EPSTI1: variants seen among roughly 807,000 people sequenced by gnomAD.
EPSTI1 encodes epithelial-stromal interaction protein 1.
In EPSTI1, 66 loss-of-function variants were observed where a neutral mutation model predicts 49.9. The observed-to-expected ratio is 1.32, with a 90% CI of 1.08 to 1.62. EPSTI1 has a LOEUF of 1.62. Among genes scored for constraint, EPSTI1 ranks in the 40% most tolerant of loss-of-function variants. The pLI is 0.00. For missense variants in EPSTI1, 394 were observed against 365.5 expected (o/e 1.08, Z -0.64); for synonymous variants, 137 against 130.7 (o/e 1.05, Z -0.33).
chr13:42,954,755 C>G (rs1183313472), intron 5 of EPSTI1, among the ~76,000 whole-genome samples: 1 of 152,090 alleles, frequency 6.6e-6, no homozygotes, highest in Non-Finnish European at 1.5e-5. Context: ...AGTAAAATTC[C>G]TAGACAACAA....
At chr13:42,991,553 G>A (rs1474596880) in intron 1 of EPSTI1, among the ~76,000 whole-genome samples, 1 of 152,210 alleles carries the variant, frequency 6.6e-6, no homozygotes, top group African/African-American at 2.4e-5. Context: ...CCAAAGTGCT[G>A]GGATAACAGG....
intron 8 of EPSTI1, 91 bp from the exon 9 acceptor site, chr13:42,900,474 G>A (rs2037324477): frequency 8.2e-7 from 1 of 1,216,596 alleles, no homozygotes; most frequent in Non-Finnish European, 1.2e-6. Context: ...AACCTCAACT[G>A]GTACAATATT....
At chr13:42,964,003 T>G in intron 4 of EPSTI1, 63 bp downstream of exon 4, 1 of 1,378,816 alleles carries the variant, frequency 7.3e-7, no homozygotes, top group South Asian at 1.3e-5. Context: ...ATTTCACAGT[T>G]ACTTGTAAGA....
At chr13:42,890,086 G>C (rs2036984629) in intron 10 of EPSTI1, among the ~76,000 whole-genome samples, 1 of 152,116 alleles carries the variant, frequency 6.6e-6, no homozygotes, top group Non-Finnish European at 1.5e-5. Context: ...TGGGCCAACT[G>C]CATACCGCAT....
intron 9 of EPSTI1, among the ~76,000 whole-genome samples, chr13:42,896,648 A>C (rs1284011941): frequency 6.6e-6 from 1 of 152,134 alleles, no homozygotes; most frequent in Non-Finnish European, 1.5e-5. Context: ...CCCATACAAC[A>C]ACCTTACTAG....
At chr13:42,931,592 C>T (rs2038376404) in intron 6 of EPSTI1, among the ~76,000 whole-genome samples, 1 of 152,206 alleles carries the variant, frequency 6.6e-6, no homozygotes, top group South Asian at 2.1e-4. Context: ...ATATAAACTT[C>T]TTGTTCTTTA....
intron 3 of EPSTI1, among the ~76,000 whole-genome samples, chr13:42,967,707 T>TG (rs996226090): frequency 4.6e-5 from 7 of 151,746 alleles, no homozygotes; most frequent in Non-Finnish European, 8.8e-5. Context: ...TAGCAGAGAG[T>TG]GGGGGATGCT....
rs779723806 is a variant in EPSTI1, at chr13:42,926,301, G to T, written c.657+35C>A. 85 of 1,207,360 alleles carry T rather than the reference G, an allele frequency of 7.0e-5. No homozygotes were observed. In the Middle Eastern group the frequency reaches 9.5e-4, roughly 13 times the overall value. The allele number at this position is 1,207,360 out of a possible 1,614,324, so 74.8% of individuals were successfully genotyped here. A position where few individuals can be genotyped will look rare whatever the true frequency, so the allele number is the denominator to read the frequency against. ...CAGTCACTAAATACCTCTATAAAAT[G>T]TGCCAGGCAGCACCCTGCAAAGTAA... On this transcript the variant is annotated intron_variant, in intron 7 of 10. Transcript: ENST00000313624.
chr13:42,938,323 C>T (rs986001419), intron 6 of EPSTI1, among the ~76,000 whole-genome samples: 4 of 152,166 alleles, frequency 2.6e-5, no homozygotes, highest in African/African-American at 9.6e-5. Context: ...TTCTTCTAAG[C>T]AGGTCTTATT....
At position 42,933,254 on chromosome 13, in the gene EPSTI1, A is replaced by G. The variant is rs1439198455; in HGVS notation, c.564-6825T>C. On this transcript the variant is annotated intron_variant, in intron 6 of 10. Coordinates refer to ENST00000313624, the MANE Select transcript of EPSTI1 (RefSeq NM_033255.5). ...CTAGATGAAGATTTTATTGGAAACT[A>G]TTTTTCTACTATTTTTGTATCTTCT... Among the ~76,000 whole-genome samples the G allele has an allele frequency of 2.1e-5, 3 of 145,058 alleles. No individual in the cohort carries two copies. In the Admixed American group the frequency reaches 2.2e-4, roughly 11 times the overall value.
At chr13:42,960,650 G>A (rs906589875) in intron 5 of EPSTI1, among the ~76,000 whole-genome samples, 23 of 152,272 alleles carry the variant, frequency 1.5e-4, no homozygotes, top group Middle Eastern at 3.4e-3. Context: ...TACAAAACGG[G>A]TATCAATGGG....
chr13:42,970,816 G>T, intron 1 of EPSTI1, 146 bp from the exon 2 acceptor site: 1 of 633,972 alleles, frequency 1.6e-6, no homozygotes, highest in Non-Finnish European at 2.7e-6. Flanking sequence ...TTAAGACCCT[G>T]ATCTGTTCTC....
chr13:42,963,963 G>A, intron 4 of EPSTI1, 103 bp downstream of exon 4: 1 of 1,045,068 alleles, frequency 9.6e-7, no homozygotes, highest in South Asian at 1.7e-5. Flanking sequence ...TGGTTGGAAG[G>A]TTTTATACTT....
In EPSTI1 at chr13:42,933,331, AAG is replaced by A. The variant is rs2097497806; in HGVS notation, c.564-6904_564-6903del. Among the ~76,000 whole-genome samples, 5 of 151,150 alleles carry A rather than the reference AAG, an allele frequency of 3.3e-5. No individual in the cohort carries two copies. The South Asian group carries it at 6.2e-4, about 19-fold the overall frequency. On this transcript the variant is annotated intron_variant, in intron 6 of 10. Coordinates refer to ENST00000313624, the MANE Select transcript of EPSTI1 (RefSeq NM_033255.5). ...AAAAAGTAAAAAAAAAAAAAAAAAAAAGAGTCTGCCTCATTTTCCCACATTGT... is the reference window on the plus strand; with the variant it reads ...AAAAAGTAAAAAAAAAAAAAAAAAAAAGTCTGCCTCATTTTCCCACATTGT...
intron 1 of EPSTI1, 95 bp downstream of exon 1, chr13:42,991,883 C>T (rs1311453687): frequency 3.7e-6 from 5 of 1,360,700 alleles, no homozygotes; most frequent in Non-Finnish European, 5.2e-6. Context: ...TTGTTGGGCC[C>T]CTGTGGTTTT....
chr13:42,890,364 C>G (rs1227939651), intron 10 of EPSTI1, among the ~76,000 whole-genome samples: 2 of 147,792 alleles, frequency 1.4e-5, no homozygotes, highest in African/African-American at 2.5e-5. Context: ...GTGGCGCAAT[C>G]CCTGCTCACC....
At chr13:42,991,886 G>C in intron 1 of EPSTI1, 92 bp downstream of exon 1, 1 of 1,407,192 alleles carries the variant, frequency 7.1e-7, no homozygotes, top group Non-Finnish European at 1.0e-6. Context: ...TTGGGCCCCT[G>C]TGGTTTTAAA....
chr13:42,955,297 A>G (rs1324612267), intron 5 of EPSTI1, among the ~76,000 whole-genome samples: 1 of 152,158 alleles, frequency 6.6e-6, no homozygotes, highest in Admixed American at 6.5e-5. Flanking sequence ...GGTGGATCTA[A>G]AAGGGTGAAA....
chr13:42,958,105 T>C lies in EPSTI1; in HGVS notation c.490-4084A>G, dbSNP rs549917704. On this transcript the variant is annotated intron_variant, in intron 5 of 10. Coordinates refer to ENST00000313624, the MANE Select transcript of EPSTI1 (RefSeq NM_033255.5). ...CAGTTAAGAACACCGTTGGTGATCT[T>C]AGGTAGATTAGAACCAGAGAAGCAT... is the stretch of plus-strand genomic sequence containing the variant. Among the ~76,000 whole-genome samples the C allele has an allele frequency of 3.3e-4, 51 of 152,266 alleles. 2 individuals are homozygous for C. The South Asian group carries it at 0.01, about 31-fold the overall frequency.
Sources: allele counts gnomAD v4.1 joint callset (sites outside exome capture counted in the v4.1 genomes callset), GRCh38; gene constraint gnomAD v4.1.1; transcripts MANE v1.5; gene names NCBI Gene and HGNC (gene_info 2026-07-23, HGNC 2026-07-21).